SLC16A10: variants seen among roughly 807,000 people sequenced by gnomAD.
The protein encoded by SLC16A10 is solute carrier family 16 member 10.
SLC16A10 carries 27 observed loss-of-function variants against 40.0 expected under a neutral mutation model. The observed-to-expected ratio is 0.67, with a 90% CI of 0.50 to 0.93. The LOEUF (loss-of-function observed/expected upper bound fraction) is 0.93, where lower values mean the gene tolerates loss of function less well. Among genes scored for constraint, SLC16A10 ranks in the 40% least tolerant of loss-of-function variants. The probability of loss-of-function intolerance (pLI) is 0.00; values close to 1 mark genes in which losing one functional copy is unlikely to be tolerated. For missense variants in SLC16A10, 529 were observed against 658.2 expected (o/e 0.80, Z 2.15); for synonymous variants, 213 against 249.8 (o/e 0.85, Z 1.39).
intron 1 of SLC16A10, among the ~76,000 whole-genome samples, chr6:111,093,057 A>G (rs1329068316): frequency 6.8e-6 from 1 of 146,342 alleles, no homozygotes; most frequent in Admixed American, 6.8e-5. Flanking sequence ...AAAAAAAAAG[A>G]AAAGAAAAAA....
Position 111,169,136 on chromosome 6 carries a change from G to A in SLC16A10, c.344-3559G>A, listed in dbSNP as rs1420897126. On this transcript the variant is annotated intron_variant, in intron 1 of 5. Transcript: ENST00000368851. ...CCACAGAAAGAGCTATACTGTAATG[G>A]TGTCTGTGTTGAATTTGCCTACACT... is the stretch of plus-strand genomic sequence containing the variant. 2.0e-5 allele frequency among the ~76,000 whole-genome samples: 3 copies of A among 152,168 alleles called. No homozygotes were observed. In the East Asian group the frequency reaches 5.8e-4, roughly 29 times the overall value.
At chr6:111,097,390 CA>C (rs1771092762) in intron 1 of SLC16A10, among the ~76,000 whole-genome samples, 1 of 152,042 alleles carries the variant, frequency 6.6e-6, no homozygotes, top group South Asian at 2.1e-4. Context: ...CGGCTCACTG[CA>C]ACCTCCGATG....
intron 3 of SLC16A10, among the ~76,000 whole-genome samples, chr6:111,199,827 T>TAAAAAAAA (rs35253168): frequency 6.7e-6 from 1 of 148,836 alleles, no homozygotes; most frequent in Non-Finnish European, 1.5e-5. Flanking sequence ...CAGGGAAATT[T>TAAAAAAAA]AAAAAAAAAA....
At chr6:111,221,866 G>A (rs1770902086) in intron 5 of SLC16A10, 137 bp from the exon 6 acceptor site, 1 of 681,568 alleles carries the variant, frequency 1.5e-6, no homozygotes, top group African/African-American at 1.9e-5. Context: ...ATCAAAAAGG[G>A]TTTATATTTC....
intron 3 of SLC16A10, among the ~76,000 whole-genome samples, chr6:111,192,953 C>T (rs1381794718): frequency 6.6e-6 from 1 of 152,156 alleles, no homozygotes; most frequent in South Asian, 2.1e-4. Context: ...ACAGCCAAGC[C>T]ATATTATATA....
chr6:111,226,101 T>A lies in SLC16A10; in HGVS notation c.*3866T>A, dbSNP rs535545075. 5 of 152,278 alleles carry A rather than the reference T, an allele frequency of 3.3e-5. No individual in the cohort carries two copies. The highest frequency in any genetic ancestry group is 1.2e-4 in the African/African-American group (5 of 41,552). 9.4% of individuals were successfully genotyped at this position (152,278 alleles called of 1,614,324 possible). A position where few individuals can be genotyped will look rare whatever the true frequency, so the allele number is the denominator to read the frequency against. On this transcript the variant is annotated 3_prime_UTR_variant, in exon 6 of 6. Coordinates refer to ENST00000368851, the MANE Select transcript of SLC16A10 (RefSeq NM_018593.5). ...TGACTGAAATATTTAAGGGAAGAAA[T>A]AAATTTCATACAAATTAGTATCTTT...
At chr6:111,182,040 C>T (rs1033161633) in intron 3 of SLC16A10, among the ~76,000 whole-genome samples, 9 of 151,792 alleles carry the variant, frequency 5.9e-5, no homozygotes, top group African/African-American at 1.7e-4. Flanking sequence ...GCTCTGTCTC[C>T]CAGGCTGGAG....
At chr6:111,151,371 A>C (rs1772169359) in intron 1 of SLC16A10, among the ~76,000 whole-genome samples, 1 of 152,088 alleles carries the variant, frequency 6.6e-6, no homozygotes, top group African/African-American at 2.4e-5. Context: ...CACGTAGCTA[A>C]ATCTCTTAAG....
At chr6:111,172,472 T>C (rs1458497039) in intron 1 of SLC16A10, among the ~76,000 whole-genome samples, 2 of 152,176 alleles carry the variant, frequency 1.3e-5, no homozygotes, top group Non-Finnish European at 2.9e-5. Context: ...ATATCTATGG[T>C]TTTATAAATG....
intron 4 of SLC16A10, among the ~76,000 whole-genome samples, chr6:111,213,998 CTT>C (rs1773383879): frequency 6.6e-6 from 1 of 152,222 alleles, no homozygotes; most frequent in African/African-American, 2.4e-5. Flanking sequence ...ATTGTTTCCT[CTT>C]GAGCTACACT....
chr6:111,204,378 G>A (rs959897005), intron 3 of SLC16A10, among the ~76,000 whole-genome samples: 1 of 152,162 alleles, frequency 6.6e-6, no homozygotes, highest in Non-Finnish European at 1.5e-5. Context: ...TCAGCACAGG[G>A]CCTGTTGACT....
chr6:111,187,911 A>G (rs747128054), intron 3 of SLC16A10, among the ~76,000 whole-genome samples: 4 of 152,080 alleles, frequency 2.6e-5, no homozygotes, highest in East Asian at 1.9e-4. Context: ...TTATAAACCA[A>G]AGTTCACTGT....
intron 3 of SLC16A10, among the ~76,000 whole-genome samples, chr6:111,195,528 A>G (rs1186438514): frequency 2.0e-5 from 3 of 152,228 alleles, no homozygotes; most frequent in Non-Finnish European, 1.5e-5. Flanking sequence ...ATAAAAAATT[A>G]AAAAGTAAGA....
chr6:111,177,165 A>G, intron 2 of SLC16A10, 47 bp from the exon 3 acceptor site: 4 of 1,300,652 alleles, frequency 3.1e-6, no homozygotes, highest in Non-Finnish European at 4.1e-6. Flanking sequence ...CCAAGCACAC[A>G]GTAACAATAT....
intron 1 of SLC16A10, among the ~76,000 whole-genome samples, chr6:111,169,122 G>A (rs1228751819): frequency 1.3e-5 from 2 of 152,166 alleles, no homozygotes; most frequent in African/African-American, 4.8e-5. Context: ...CACAGAAAGA[G>A]CTATACTGTA....
chr6:111,191,388 A>G (rs1170901310), intron 3 of SLC16A10, among the ~76,000 whole-genome samples: 1 of 152,152 alleles, frequency 6.6e-6, no homozygotes, highest in Non-Finnish European at 1.5e-5. Context: ...CATGGTGTAT[A>G]TGTGCCACTT....
At chr6:111,176,392 A>G (rs1258995465) in intron 2 of SLC16A10, among the ~76,000 whole-genome samples, 2 of 152,238 alleles carry the variant, frequency 1.3e-5, no homozygotes, top group African/African-American at 2.4e-5. Context: ...ATTCCTTACC[A>G]TAATTGTTTC....
chr6:111,199,050 T>C (rs944267040), intron 3 of SLC16A10, among the ~76,000 whole-genome samples: 4 of 152,226 alleles, frequency 2.6e-5, no homozygotes, highest in African/African-American at 7.2e-5. Context: ...GCTGTCTTGA[T>C]GACCAGCATA....
chr6:111,125,471 C>T (rs2114480698), intron 1 of SLC16A10, among the ~76,000 whole-genome samples: 1 of 152,198 alleles, frequency 6.6e-6, no homozygotes, highest in Non-Finnish European at 1.5e-5. Flanking sequence ...GATTAAGGCT[C>T]ATTGAAAAAC....
Sources: allele counts gnomAD v4.1 joint callset (sites outside exome capture counted in the v4.1 genomes callset), GRCh38; gene constraint gnomAD v4.1.1; transcripts MANE v1.5; gene names NCBI Gene and HGNC (gene_info 2026-07-23, HGNC 2026-07-21).